Variants in KHDRBS2 observed in about 807,000 individuals in gnomAD.
KHDRBS2 encodes the protein KH domain-containing, RNA-binding, signal transduction-associated protein 2.
Under a neutral mutation model 44.3 loss-of-function variants are expected in KHDRBS2, and 26 were observed. The ratio of observed to expected loss-of-function variants is 0.59; its 90% confidence interval spans 0.43 to 0.81. The LOEUF (loss-of-function observed/expected upper bound fraction) is 0.81, where lower values mean the gene tolerates loss of function less well. KHDRBS2 is among the 40% of genes least tolerant of loss of function. KHDRBS2 has a pLI of 0.00. For missense variants in KHDRBS2, 476 were observed against 433.1 expected (o/e 1.10, Z -0.88); for synonymous variants, 194 against 151.1 (o/e 1.28, Z -2.08).
rs375463653 is a variant in KHDRBS2, at chr6:62,174,122, C to T, written c.219+3063G>A. Reference sequence around the variant, plus strand: ...TAGAAAGGGAGAAAGCCAAACTATCCTTATTTTCAGATGATATGATACTGT... The same window carrying T: ...TAGAAAGGGAGAAAGCCAAACTATCTTTATTTTCAGATGATATGATACTGT... On this transcript the variant is annotated intron_variant, in intron 2 of 8. Transcript: ENST00000281156. Among the ~76,000 whole-genome samples the T allele has an allele frequency of 1.9e-3, 291 of 151,726 alleles. 3 individuals carry two copies. The highest frequency in any genetic ancestry group is 6.8e-3 in the African/African-American group (281 of 41,458).
chr6:62,090,539 C>T (rs886127240), intron 2 of KHDRBS2, among the ~76,000 whole-genome samples: 1 of 151,684 alleles, frequency 6.6e-6, no homozygotes, highest in Non-Finnish European at 1.5e-5. Flanking sequence ...CCAATAACAC[C>T]TAGTGGTTAT....
chr6:61,696,023 G>A (rs777109966), intron 8 of KHDRBS2, among the ~76,000 whole-genome samples: 9 of 151,978 alleles, frequency 5.9e-5, no homozygotes, highest in Non-Finnish European at 1.3e-4. Flanking sequence ...AGGCTGGAGT[G>A]CAGTGGCTAT....
the KHDRBS2 span, among the ~76,000 whole-genome samples, chr6:61,584,150 A>T: frequency 6.6e-6 from 1 of 151,774 alleles, no homozygotes; most frequent in East Asian, 1.9e-4. Context: ...TGTTATCTGC[A>T]TGTCAAAGAT....
intron 2 of KHDRBS2, among the ~76,000 whole-genome samples, chr6:62,132,495 C>G (rs1355233487): frequency 1.3e-5 from 2 of 152,148 alleles, no homozygotes; most frequent in African/African-American, 4.8e-5. Flanking sequence ...CCTCTGGTGA[C>G]TCAGATGCAG....
chr6:61,643,752 G>A, the KHDRBS2 span, among the ~76,000 whole-genome samples: 1 of 152,052 alleles, frequency 6.6e-6, no homozygotes, highest in Non-Finnish European at 1.5e-5. Flanking sequence ...CCACTAGGAA[G>A]GTGAAAGATC....
At chr6:61,624,115 A>G in the KHDRBS2 span, among the ~76,000 whole-genome samples, 1 of 152,194 alleles carries the variant, frequency 6.6e-6, no homozygotes, top group Non-Finnish European at 1.5e-5. Flanking sequence ...AAGTTTGAAG[A>G]ATTTTGTATC....
the KHDRBS2 span, among the ~76,000 whole-genome samples, chr6:61,592,098 G>C: frequency 6.6e-6 from 1 of 150,864 alleles, no homozygotes; most frequent in African/African-American, 2.4e-5. Context: ...GGCTGAGGTG[G>C]GAAGATGGCT....
At chr6:61,976,276 G>T (rs1380625765) in intron 4 of KHDRBS2, among the ~76,000 whole-genome samples, 1 of 152,188 alleles carries the variant, frequency 6.6e-6, no homozygotes, top group East Asian at 1.9e-4. Flanking sequence ...GCTAAGATGG[G>T]GATACAGTGT....
the KHDRBS2 span, among the ~76,000 whole-genome samples, chr6:61,644,287 A>G: frequency 6.6e-6 from 1 of 152,260 alleles, no homozygotes; most frequent in Admixed American, 6.6e-5. Context: ...TTCTTACACC[A>G]TATTAAAAAT....
intron 6 of KHDRBS2, among the ~76,000 whole-genome samples, chr6:61,880,624 G>C (rs560221992): frequency 5.9e-5 from 9 of 151,886 alleles, no homozygotes; most frequent in Middle Eastern, 3.4e-3. Flanking sequence ...TTAAAGATCT[G>C]GTTTCAAATA....
chr6:62,184,264 C>A (rs1028994528), intron 1 of KHDRBS2, among the ~76,000 whole-genome samples: 2 of 151,632 alleles, frequency 1.3e-5, no homozygotes, highest in Admixed American at 1.3e-4. Context: ...AAAAACCTAA[C>A]ATGAATCACA....
intron 7 of KHDRBS2, among the ~76,000 whole-genome samples, chr6:61,703,214 T>C (rs780743083): frequency 7.2e-5 from 11 of 151,854 alleles, no homozygotes; most frequent in Non-Finnish European, 1.6e-4. Flanking sequence ...ACAAATGTAA[T>C]AAAAATAGCA....
chr6:62,064,781 G>T (rs890649895), intron 2 of KHDRBS2, among the ~76,000 whole-genome samples: 10 of 151,960 alleles, frequency 6.6e-5, no homozygotes, highest in African/African-American at 2.2e-4. Context: ...ATTGACAAAT[G>T]GGATCTAATT....
chr6:62,045,315 A>G (rs1787440010), intron 3 of KHDRBS2, among the ~76,000 whole-genome samples: 1 of 152,050 alleles, frequency 6.6e-6, no homozygotes, highest in Admixed American at 6.6e-5. Flanking sequence ...AGCTATGGTT[A>G]TACATAAAGT....
intron 2 of KHDRBS2, among the ~76,000 whole-genome samples, chr6:62,157,018 A>T (rs1002729800): frequency 6.6e-6 from 1 of 151,452 alleles, no homozygotes; most frequent in Admixed American, 6.6e-5. Flanking sequence ...CATGAAATTA[A>T]TACTTTTTCC....
At chr6:62,230,352 G>A (rs1369415938) in intron 1 of KHDRBS2, among the ~76,000 whole-genome samples, 1 of 152,120 alleles carries the variant, frequency 6.6e-6, no homozygotes, top group African/African-American at 2.4e-5. Flanking sequence ...GTGACTCATA[G>A]GCTCTCTAAA....
the KHDRBS2 span, among the ~76,000 whole-genome samples, chr6:61,642,971 C>CA: frequency 2.6e-5 from 4 of 152,040 alleles, no homozygotes; most frequent in African/African-American, 9.7e-5. Context: ...CATCCAGTGC[C>CA]AAAAATGACA....
At chr6:61,884,483 T>G (rs1263291020) in intron 6 of KHDRBS2, among the ~76,000 whole-genome samples, 2 of 152,240 alleles carry the variant, frequency 1.3e-5, no homozygotes, top group East Asian at 3.9e-4. Context: ...CTTTAGAAAC[T>G]GGAAACTGTT....
the KHDRBS2 span, among the ~76,000 whole-genome samples, chr6:61,626,098 A>T: frequency 6.6e-6 from 1 of 152,230 alleles, no homozygotes; most frequent in Non-Finnish European, 1.5e-5. Flanking sequence ...AATTTGTCAT[A>T]CAGTATATTC....
Sources: allele counts gnomAD v4.1 joint callset (sites outside exome capture counted in the v4.1 genomes callset), GRCh38; gene constraint gnomAD v4.1.1; transcripts MANE v1.5; gene names NCBI Gene and HGNC (gene_info 2026-07-23, HGNC 2026-07-21).